Variants in RGS6 observed in about 807,000 individuals in gnomAD.
The protein encoded by RGS6 is regulator of G-protein signaling 6.
RGS6 carries 30 observed loss-of-function variants against 78.5 expected under a neutral mutation model. The ratio of observed to expected loss-of-function variants is 0.38; its 90% CI spans 0.29 to 0.52. The LOEUF (loss-of-function observed/expected upper bound fraction) is 0.52. Ranked by LOEUF, RGS6 falls within the 20% of genes least tolerant of loss-of-function variation. RGS6 has a pLI of 0.85. For missense variants in RGS6, 495 were observed against 609.7 expected, an observed-to-expected ratio of 0.81 and a Z score of 1.98; for synonymous variants, 206 against 206.0, an observed-to-expected ratio of 1.00 and a Z score of 0.00.
intron 2 of RGS6, among the ~76,000 whole-genome samples, chr14:71,982,167 C>T (rs1232151329): frequency 6.6e-6 from 1 of 152,196 alleles, no homozygotes; most frequent in African/African-American, 2.4e-5. Context: ...CGTGCACCCA[C>T]TGACCTGCGC....
chr14:72,405,714 CTT>C (rs2092858842), intron 3 of RGS6, among the ~76,000 whole-genome samples: 1 of 152,208 alleles, frequency 6.6e-6, no homozygotes, highest in Admixed American at 6.5e-5. Flanking sequence ...AACAACCAGA[CTT>C]TTGGGGAAGT....
At chr14:72,616,921 G>A in the RGS6 span, among the ~76,000 whole-genome samples, 6 of 152,198 alleles carry the variant, frequency 3.9e-5, no homozygotes, top group Non-Finnish European at 8.8e-5. Context: ...CCGCTTTCCA[G>A]ATGGGGAAAC....
chr14:72,194,738 A>G (rs1321225920), intron 2 of RGS6, among the ~76,000 whole-genome samples: 1 of 152,194 alleles, frequency 6.6e-6, no homozygotes, highest in Non-Finnish European at 1.5e-5. Flanking sequence ...TGTTCAGAAG[A>G]TATTTGTTAT....
intron 2 of RGS6, among the ~76,000 whole-genome samples, chr14:72,085,813 C>CACTGT (rs1192079735): frequency 7.4e-6 from 1 of 135,358 alleles, no homozygotes; most frequent in African/African-American, 2.7e-5. Flanking sequence ...CAGATTGCCC[C>CACTGT]ACTGTACTCC....
intron 2 of RGS6, among the ~76,000 whole-genome samples, chr14:72,289,614 T>TGAAAAAGCA (rs1177042904): frequency 2.6e-5 from 4 of 152,164 alleles, no homozygotes; most frequent in African/African-American, 9.7e-5. Flanking sequence ...ACTACTACCT[T>TGAAAAAGCA]TTTCAAATGC....
At chr14:72,550,683 T>G in intron 17 of RGS6, 3 of 1,455,126 alleles carry the variant, frequency 2.1e-6, no homozygotes, top group Non-Finnish European at 2.7e-6. Context: ...ATCACTAGCC[T>G]TTGTGAGTCA....
chr14:72,124,469 G>A (rs532626625), intron 2 of RGS6, among the ~76,000 whole-genome samples: 26 of 152,196 alleles, frequency 1.7e-4, no homozygotes, highest in African/African-American at 5.8e-4. Flanking sequence ...TTAAATTAGG[G>A]GCTTTTTGCT....
chr14:72,326,838 G>C (rs948932999), intron 2 of RGS6, among the ~76,000 whole-genome samples: 6 of 152,128 alleles, frequency 3.9e-5, no homozygotes, highest in Non-Finnish European at 8.8e-5. Context: ...CTGCCGAGTC[G>C]CTGGGACTAC....
chr14:72,396,938 G>A (rs1291067040), intron 3 of RGS6, among the ~76,000 whole-genome samples: 1 of 152,136 alleles, frequency 6.6e-6, no homozygotes, highest in Non-Finnish European at 1.5e-5. Flanking sequence ...TGCTGTTTTG[G>A]TTACTGTGGC....
chr14:72,327,850 A>G (rs2074146643), intron 2 of RGS6, among the ~76,000 whole-genome samples: 1 of 152,206 alleles, frequency 6.6e-6, no homozygotes, highest in Non-Finnish European at 1.5e-5. Flanking sequence ...GAGGTGCTGT[A>G]TTAGGTTCTC....
intron 2 of RGS6, among the ~76,000 whole-genome samples, chr14:72,212,381 A>C (rs1445032976): frequency 1.3e-5 from 2 of 152,334 alleles, no homozygotes; most frequent in East Asian, 3.9e-4. Flanking sequence ...TTAGCTGCCA[A>C]CAATGTCAAC....
intron 2 of RGS6, among the ~76,000 whole-genome samples, chr14:72,291,141 C>T (rs2063507053): frequency 6.6e-6 from 1 of 151,868 alleles, no homozygotes; most frequent in Non-Finnish European, 1.5e-5. Context: ...TCGTCATTCC[C>T]TAGGCTATTA....
At chr14:72,137,693 GGTTTGGAAGCATCCTGA>G (rs1391272812) in intron 2 of RGS6, among the ~76,000 whole-genome samples, 1 of 152,214 alleles carries the variant, frequency 6.6e-6, no homozygotes, top group Non-Finnish European at 1.5e-5. Context: ...CATAGAACAT[GGTTTGGAAGCATCCTGA>G]GTGCAGGAGC....
chr14:72,464,886 A>G (rs1169546256), intron 6 of RGS6, among the ~76,000 whole-genome samples: 1 of 152,212 alleles, frequency 6.6e-6, no homozygotes, highest in African/African-American at 2.4e-5. Flanking sequence ...CAGGGATGAA[A>G]GCTGAGCAGG....
intron 3 of RGS6, among the ~76,000 whole-genome samples, chr14:72,359,536 A>G (rs1415411449): frequency 6.6e-6 from 1 of 152,152 alleles, no homozygotes; most frequent in Non-Finnish European, 1.5e-5. Context: ...CTGGGTTCAT[A>G]AGCCATCAGC....
intron 2 of RGS6, among the ~76,000 whole-genome samples, chr14:72,136,142 C>T (rs962778212): frequency 2.0e-5 from 3 of 152,116 alleles, no homozygotes; most frequent in East Asian, 1.9e-4. Context: ...CTTAAGTCAT[C>T]GATGCAGTGG....
chr14:72,275,527 T>C (rs17110207), intron 2 of RGS6, among the ~76,000 whole-genome samples: 7,735 of 152,276 alleles, frequency 0.051, 580 homozygotes, highest in African/African-American at 0.17. Flanking sequence ...AACCTGGCAA[T>C]TTATGTAGCA....
At chr14:72,260,887 G>C (rs1165371176) in intron 2 of RGS6, among the ~76,000 whole-genome samples, 2 of 152,194 alleles carry the variant, frequency 1.3e-5, no homozygotes, top group African/African-American at 4.8e-5. Context: ...TCCACCATTT[G>C]GCAGAGAAAG....
chr14:71,989,318 G>T (rs1185413218), intron 2 of RGS6, among the ~76,000 whole-genome samples: 2 of 152,200 alleles, frequency 1.3e-5, no homozygotes, highest in African/African-American at 2.4e-5. Context: ...TCTTTCACAA[G>T]ACCTGGAAGG....
Sources: allele counts gnomAD v4.1 joint callset (sites outside exome capture counted in the v4.1 genomes callset), GRCh38; gene constraint gnomAD v4.1.1; transcripts MANE v1.5; gene names NCBI Gene and HGNC (gene_info 2026-07-23, HGNC 2026-07-21).